Variants in SCARB2 observed in about 807,000 individuals in gnomAD.
SCARB2 encodes scavenger receptor class B member 2, also known as lysosome membrane protein 2.
Under a neutral mutation model 58.6 loss-of-function variants are expected in SCARB2, and 29 were observed. That is an observed-to-expected ratio of 0.49 (90% CI 0.37 to 0.67). SCARB2 has a LOEUF of 0.67. Ranked by LOEUF, SCARB2 falls within the 30% of genes least tolerant of loss-of-function variation. The pLI, the probability that SCARB2 is intolerant of heterozygous loss-of-function variation, is 0.00. For missense variants in SCARB2, 488 were observed against 578.5 expected (o/e 0.84, Z 1.60); for synonymous variants, 195 against 210.1 (o/e 0.93, Z 0.62).
At chr4:76,205,773 A>G (rs908355122) in intron 1 of SCARB2, among the ~76,000 whole-genome samples, 1 of 152,180 alleles carries the variant, frequency 6.6e-6, no homozygotes, top group Non-Finnish European at 1.5e-5. Context: ...ACAGAGAAAC[A>G]TGCCCTCCCC....
At position 76,213,464 on chromosome 4, in the gene SCARB2, C is replaced by A; in HGVS notation, c.80G>T (p.Arg27Leu). Residue 27 changes from arginine (R) to leucine (L), a missense_variant, in exon 1 of 12, where the codon CGG becomes CTG. Physicochemically the swap from Arg to Leu is moderately radical, Grantham distance 102. Coordinates refer to ENST00000264896, the MANE Select transcript of SCARB2 (RefSeq NM_005506.4). ...CTGGTCTACAGCCTTCTGGAAGACC[C>A]GGGCCACCAGCAGCGTGACGCTGGT... ...LVTSVTLLVA[R>L]VFQKAVDQSI... The A allele has an allele frequency of 1.2e-6, 2 of 1,610,354 alleles. No individual in the cohort carries two copies. The highest frequency in any genetic ancestry group is 2.2e-5 in the East Asian group (1 of 44,650).
At chr4:76,195,484 G>A (rs1732692645) in intron 2 of SCARB2, 5 of 563,224 alleles carry the variant, frequency 8.9e-6, no homozygotes, top group Non-Finnish European at 1.6e-5. Context: ...GGAAACCGCT[G>A]CACTTCAAAA....
chr4:76,185,000 C>G (rs1732457642), intron 2 of SCARB2, among the ~76,000 whole-genome samples: 1 of 152,062 alleles, frequency 6.6e-6, no homozygotes, highest in Non-Finnish European at 1.5e-5. Flanking sequence ...CTTAAATTAG[C>G]CAGAGGTAGT....
intron 1 of SCARB2, among the ~76,000 whole-genome samples, chr4:76,224,066 T>C (rs562942249): frequency 5.9e-5 from 9 of 152,292 alleles, no homozygotes; most frequent in Non-Finnish European, 1.2e-4. Context: ...TATTATTGAA[T>C]AGGTATTAAA....
chr4:76,213,727 C>T lies in SCARB2; in HGVS notation c.-184G>A. 4.0e-6 allele frequency: 2 copies of T among 506,014 alleles called. No homozygotes were observed. The highest frequency in any genetic ancestry group is 6.9e-6 in the Non-Finnish European group (2 of 290,460). 31.3% of individuals were successfully genotyped at this position (506,014 alleles called of 1,614,324 possible). On this transcript the variant is annotated 5_prime_UTR_variant, in exon 1 of 12. Coordinates refer to ENST00000264896, the MANE Select transcript of SCARB2 (RefSeq NM_005506.4). ...GGCCTGGCGAGCGCGGCCCCGGGTG[C>T]ACCGGGCGGATGGGGCCGCGGAGGG...
At chr4:76,223,290 A>T (rs1733341063) in intron 1 of SCARB2, among the ~76,000 whole-genome samples, 1 of 152,120 alleles carries the variant, frequency 6.6e-6, no homozygotes. Flanking sequence ...AGGCTTTGGG[A>T]GACAGAATTG....
At chr4:76,215,141 T>G (rs1733177711), upstream of SCARB2, among the ~76,000 whole-genome samples, 1 of 152,212 alleles carries the variant, frequency 6.6e-6, no homozygotes, top group Admixed American at 6.5e-5. Context: ...GGGATAAATA[T>G]CAGGGTATGG....
intron 11 of SCARB2, chr4:76,162,355 C>T (rs1731916679): frequency 1.3e-5 from 2 of 153,240 alleles, no homozygotes; most frequent in African/African-American, 4.8e-5. Flanking sequence ...TATTTATTTT[C>T]TACTTCACAT....
exon 1 of SCARB2, chr4:76,234,505 T>A (rs769806118): frequency 6.6e-6 from 1 of 152,120 alleles, no homozygotes; most frequent in Non-Finnish European, 1.5e-5. Flanking sequence ...CTAGAATGCT[T>A]CCTGCTTTAC....
At chr4:76,177,364 A>G (rs1732271775) in intron 4 of SCARB2, among the ~76,000 whole-genome samples, 1 of 152,094 alleles carries the variant, frequency 6.6e-6, no homozygotes, top group Non-Finnish European at 1.5e-5. Context: ...GAAAAATAGT[A>G]AGCGTTGGTG....
At chr4:76,170,079 A>T in intron 7 of SCARB2, 94 bp from the exon 8 acceptor site, 1 of 1,092,048 alleles carries the variant, frequency 9.2e-7, no homozygotes, top group Non-Finnish European at 1.4e-6. Flanking sequence ...TGGTTCCTAA[A>T]GAAAAACAAA....
upstream of SCARB2, chr4:76,217,491 GA>G (rs1733228315): frequency 7.3e-6 from 3 of 409,224 alleles, no homozygotes; most frequent in Non-Finnish European, 1.3e-5. Context: ...GCGGGTTGTT[GA>G]AAAGAGCTGG....
chr4:76,192,529 A>T (rs951416904), intron 2 of SCARB2: 1 of 152,194 alleles, frequency 6.6e-6, no homozygotes, highest in Non-Finnish European at 1.5e-5. Flanking sequence ...AACAGCCTAC[A>T]CTCAGATGTG....
In SCARB2 at chr4:76,169,341, C is replaced by CACACATAT. The variant is rs3217498; in HGVS notation, c.1113+525_1113+526insATATGTGT. On this transcript the variant is annotated intron_variant, in intron 8 of 11. Transcript: ENST00000264896. ...ATACACACACACACACACACACACA[C>CACACATAT]GTGTGTATGTCTCCTCTATGTATAT... 6.0e-5 allele frequency among the ~76,000 whole-genome samples: 9 copies of CACACATAT among 151,240 alleles called. No individual in the cohort carries two copies. The East Asian group carries it at 1.2e-3, about 20-fold the overall frequency.
chr4:76,161,455 C>T lies in SCARB2; in HGVS notation c.*258G>A. ...CCAGCACCCAACAACAACAAAATTA[C>T]TATACAAGGGTTTATTAAATACTTG... On this transcript the variant is annotated 3_prime_UTR_variant, in exon 12 of 12. Transcript: ENST00000264896. 1 of 529,858 alleles carries T rather than the reference C, an allele frequency of 1.9e-6. No individual in the cohort carries two copies. The highest frequency in any genetic ancestry group is 3.4e-6 in the Non-Finnish European group (1 of 294,674). The allele number at this position is 529,858 out of a possible 1,614,324, so 32.8% of individuals were successfully genotyped here. A position where few individuals can be genotyped will look rare whatever the true frequency, so the allele number is the denominator to read the frequency against.
intron 1 of SCARB2, among the ~76,000 whole-genome samples, chr4:76,221,082 C>T (rs9991301): frequency 0.42 from 64,398 of 152,028 alleles, 15,013 homozygotes; most frequent in East Asian, 0.94. Context: ...GACTGCCTGG[C>T]ACCATGCAAT....
chr4:76,214,295 C>A, upstream of SCARB2: 2 of 456,122 alleles, frequency 4.4e-6, no homozygotes, highest in South Asian at 3.1e-5. Context: ...GCATGTTCTG[C>A]CTGGATGACC....
At chr4:76,174,849 T>C (rs192362154) in intron 6 of SCARB2, 2 of 166,178 alleles carry the variant, frequency 1.2e-5, no homozygotes, top group East Asian at 3.4e-4. Flanking sequence ...CCCAGTCATT[T>C]ATTTAAATGG....
intron 1 of SCARB2, among the ~76,000 whole-genome samples, chr4:76,202,688 C>T (rs79850687): frequency 0.024 from 3,624 of 152,310 alleles, 124 homozygotes; most frequent in African/African-American, 0.083. Context: ...GTAATCCACA[C>T]TATCGCTGTT....
Sources: allele counts gnomAD v4.1 joint callset (sites outside exome capture counted in the v4.1 genomes callset), GRCh38; gene constraint gnomAD v4.1.1; transcripts MANE v1.5; gene names NCBI Gene and HGNC (gene_info 2026-07-23, HGNC 2026-07-21).